NAGA: variants seen among roughly 807,000 people sequenced by gnomAD.
NAGA encodes the protein alpha-N-acetylgalactosaminidase, also known as Acetylgalactosaminidase, alpha-N- (alpha-galactosidase B).
NAGA carries 42 observed loss-of-function variants against 45.6 expected under a neutral mutation model. The observed-to-expected ratio is 0.92, with a 90% confidence interval of 0.72 to 1.19. NAGA has a LOEUF of 1.19. NAGA is among the 50% of genes most tolerant of loss of function. The pLI is 0.00. For synonymous variants in NAGA, 176 were observed against 203.1 expected, an observed-to-expected ratio of 0.87 and a Z score of 1.13; for missense variants, 493 against 544.8, an observed-to-expected ratio of 0.90 and a Z score of 0.95.
In NAGA at chr22:42,066,750, G is replaced by A. The variant is rs1296162910; in HGVS notation, c.557C>T (p.Ser186Phe). 3.7e-6 allele frequency: 6 copies of A among 1,607,236 alleles called. No individual in the cohort carries two copies. Among genetic ancestry groups the A allele is most frequent in the Middle Eastern group, 1.6e-4 (1 of 6,072 alleles). Residue 186 changes from serine to phenylalanine, a missense_variant, in exon 5 of 9, where the codon TCC becomes TTC. Transcript: ENST00000396398. ...LNATGRPIAF[S>F]CSWPAYEGGL... ...GCCTTCATAGGCTGGCCAGCTGCAG[G>A]AGAAGGCGATGGGGCGGCCTGTGGC...
At chr22:42,064,705 G>A (rs374878129) in intron 6 of NAGA, among the ~76,000 whole-genome samples, 2 of 152,218 alleles carry the variant, frequency 1.3e-5, no homozygotes, top group African/African-American at 4.8e-5. Context: ...GTGGTAATAT[G>A]CCCTGGCTAC....
Position 42,067,067 on chromosome 22 carries a change from C to T in NAGA, c.502+46G>A, listed in dbSNP as rs145541455. ...TGGGCGCTGGGTGGGTCTCCATGGCCACCCTCCCCGTTTGCCTACGTGCCC... is the reference window on the plus strand; with the variant it reads ...TGGGCGCTGGGTGGGTCTCCATGGCTACCCTCCCCGTTTGCCTACGTGCCC... On this transcript the variant is annotated intron_variant, in intron 4 of 8. Coordinates refer to ENST00000396398, the MANE Select transcript of NAGA (RefSeq NM_000262.3). 5.3e-3 allele frequency: 8,520 copies of T among 1,609,438 alleles called. 35 individuals are homozygous for T. Among genetic ancestry groups the T allele is most frequent in the Non-Finnish European group, 6.6e-3 (7,724 of 1,178,304 alleles).
In NAGA at chr22:42,060,392, C is replaced by G. The variant is rs965515338; in HGVS notation, c.1123G>C (p.Asp375His). 2.5e-6 allele frequency: 4 copies of G among 1,613,358 alleles called. No individual in the cohort carries two copies. In the African/African-American group the frequency reaches 5.3e-5, roughly 22 times the overall value. Reference protein sequence around the residue: ...IYEAQDVYSGDIISGLRDETN... With the variant: ...IYEAQDVYSGHIISGLRDETN... The stretch of plus-strand genomic sequence containing the variant: ...TCATCTCGGAGGCCACTGATGATGT[C>G]ACCTGAGTAGACGTCCTGGGCCTGC... Residue 375 changes from aspartate (D) to histidine (H), a missense_variant, in exon 9 of 9, where the codon GAC becomes CAC. Coordinates refer to ENST00000396398, the MANE Select transcript of NAGA (RefSeq NM_000262.3).
At position 42,070,496 on chromosome 22, in the gene NAGA, C is replaced by G; in HGVS notation, c.-199G>C. On this transcript the variant is annotated 5_prime_UTR_variant, in exon 1 of 9. Coordinates refer to ENST00000396398, the MANE Select transcript of NAGA (RefSeq NM_000262.3). ...CCGCCCCATCCCCAGCCATCACTTC[C>G]CGGAGCTTCAGTTCTTCCTTCAGAA... The G allele has an allele frequency of 2.9e-6, 2 of 679,900 alleles. No individual in the cohort carries two copies. Among genetic ancestry groups the G allele is most frequent in the East Asian group, 5.4e-5 (2 of 37,128 alleles). The allele number at this position is 679,900 out of a possible 1,614,324, so 42.1% of individuals were successfully genotyped here.
intron 4 of NAGA, 73 bp downstream of exon 4, chr22:42,067,040 G>C (rs1926775561): frequency 1.3e-6 from 2 of 1,598,450 alleles, no homozygotes; most frequent in South Asian, 2.2e-5. Context: ...AGCTCAGCCA[G>C]GTGGGCGCTG....
chr22:42,061,599 G>C (rs1270512195), intron 7 of NAGA, among the ~76,000 whole-genome samples: 1 of 152,160 alleles, frequency 6.6e-6, no homozygotes, highest in Non-Finnish European at 1.5e-5. Flanking sequence ...AGTTCTATAG[G>C]TGCCTTCCAT....
chr22:42,069,255 T>C (rs1016013852), intron 1 of NAGA, among the ~76,000 whole-genome samples: 4 of 151,696 alleles, frequency 2.6e-5, no homozygotes, highest in Non-Finnish European at 5.9e-5. Flanking sequence ...AAAGAAAATA[T>C]TATGTCAAAA....
At chr22:42,064,338 C>A (rs1443065343) in intron 6 of NAGA, among the ~76,000 whole-genome samples, 1 of 142,762 alleles carries the variant, frequency 7.0e-6, no homozygotes, top group Non-Finnish European at 1.5e-5. Flanking sequence ...AAAACTCAGT[C>A]TCTAAATAAA....
intron 5 of NAGA, 131 bp from the exon 6 acceptor site, chr22:42,066,030 G>A (rs1926709188): frequency 2.2e-5 from 27 of 1,215,498 alleles, no homozygotes; most frequent in Non-Finnish European, 3.0e-5. Flanking sequence ...AGGCCCCACC[G>A]GCTTGCTCAG....
In NAGA at chr22:42,061,951, C is replaced by CAA. The variant is rs36076400; in HGVS notation, c.957+874_957+875dup. On this transcript the variant is annotated intron_variant, in intron 7 of 8. Transcript: ENST00000396398. The stretch of plus-strand genomic sequence containing the variant: ...TGGGCTACAGAGTGAGACTCCATCT[C>CAA]AAAAAAAAAAAAAAAAAAAAGGCTT... 6.5e-3 allele frequency among the ~76,000 whole-genome samples: 533 copies of CAA among 81,518 alleles called. 11 individuals are homozygous for CAA. The highest frequency in any genetic ancestry group is 0.012 in the East Asian group (33 of 2,730). The allele number at this position is 81,518 out of a possible 152,430, so 53.5% of individuals were successfully genotyped here.
chr22:42,060,790 C>A, intron 8 of NAGA, 134 bp downstream of exon 8: 1 of 1,250,698 alleles, frequency 8.0e-7, no homozygotes, highest in Non-Finnish European at 1.2e-6. Flanking sequence ...GTGCCTGCAG[C>A]TCCCCATGGG....
chr22:42,065,629 T>C (rs1926677052), intron 6 of NAGA, 109 bp downstream of exon 6: 1 of 1,462,310 alleles, frequency 6.8e-7, no homozygotes, highest in South Asian at 1.2e-5. Context: ...TCAGAAGCGC[T>C]GACCTAGAAC....
chr22:42,064,057 A>T (rs1926566014), intron 6 of NAGA, among the ~76,000 whole-genome samples: 1 of 150,764 alleles, frequency 6.6e-6, no homozygotes, highest in Admixed American at 6.6e-5. Flanking sequence ...CAAAAAACAA[A>T]AGGCCAGGCG....
chr22:42,070,495 C>T lies in NAGA; in HGVS notation c.-198G>A. ...CCCGCCCCATCCCCAGCCATCACTT[C>T]CCGGAGCTTCAGTTCTTCCTTCAGA... On this transcript the variant is annotated 5_prime_UTR_variant, in exon 1 of 9. Transcript: ENST00000396398. 2 of 680,658 alleles carry T rather than the reference C, an allele frequency of 2.9e-6. No homozygotes were observed. The highest frequency in any genetic ancestry group is 5.4e-6 in the Non-Finnish European group (2 of 372,316). The allele number at this position is 680,658 out of a possible 1,614,324, so 42.2% of individuals were successfully genotyped here.
rs73887905 is a variant in NAGA, at chr22:42,060,457, G to T, written c.1102-44C>A. ...TCACCAATGCCACCATGAGAGTGGC[G>T]GCACAGAGACCCCCCCCGCTAGAGG... On this transcript the variant is annotated intron_variant, in intron 8 of 8. Coordinates refer to ENST00000396398, the MANE Select transcript of NAGA (RefSeq NM_000262.3). 0.014 allele frequency: 22,568 copies of T among 1,610,174 alleles called. 2,506 individuals carry two copies. In the African/African-American group the frequency reaches 0.25, roughly 18 times the overall value.
In NAGA at chr22:42,067,777, G is replaced by A. The variant is rs1199863266; in HGVS notation, c.312C>T (p.Phe104=). The change falls in exon 3 of 9, where the codon TTC becomes TTT. Residue 104 remains phenylalanine, a synonymous_variant. Transcript: ENST00000396398. The part of the protein sequence containing the change: ...DPKRFPHGIP[F]LADYVHSLGL... ...GGGTGCGGCTCACGTAGTCAGCCAG[G>A]AAAGGAATGCCATGAGGGAAGCGCT... 10 of 1,612,424 alleles carry A rather than the reference G, an allele frequency of 6.2e-6. No individual in the cohort carries two copies. The highest frequency in any genetic ancestry group is 8.5e-6 in the Non-Finnish European group (10 of 1,179,958).
chr22:42,063,890 C>T (rs879265566), intron 6 of NAGA, among the ~76,000 whole-genome samples: 4 of 152,172 alleles, frequency 2.6e-5, no homozygotes, highest in South Asian at 2.1e-4. Context: ...CTCATTTCTA[C>T]TGAAAATATA....
chr22:42,065,283 C>T (rs548872470), intron 6 of NAGA, among the ~76,000 whole-genome samples: 2 of 152,050 alleles, frequency 1.3e-5, no homozygotes, highest in African/African-American at 2.4e-5. Context: ...GGGCAATGAC[C>T]GAGATAGAAT....
chr22:42,060,468 C>CG, intron 8 of NAGA, 55 bp from the exon 9 acceptor site: 2 of 1,607,702 alleles, frequency 1.2e-6, no homozygotes, highest in African/African-American at 2.7e-5. Context: ...GCACAGAGAC[C>CG]CCCCCCGCTA....
Sources: allele counts gnomAD v4.1 joint callset (sites outside exome capture counted in the v4.1 genomes callset), GRCh38; gene constraint gnomAD v4.1.1; transcripts MANE v1.5; gene names NCBI Gene and HGNC (gene_info 2026-07-23, HGNC 2026-07-21).